ITGBL1: variants seen among roughly 807,000 people sequenced by gnomAD.
The protein encoded by ITGBL1 is integrin beta-like protein 1.
A neutral mutation model predicts 68.5 loss-of-function variants in ITGBL1; 51 were observed. The observed-to-expected ratio is 0.74, with a 90% CI of 0.59 to 0.94. The LOEUF (loss-of-function observed/expected upper bound fraction) is 0.94, where lower values mean the gene tolerates loss of function less well. Among genes scored for constraint, ITGBL1 ranks in the 40% least tolerant of loss-of-function variants. The pLI is 0.00. For missense variants in ITGBL1, 649 were observed against 647.4 expected, an observed-to-expected ratio of 1.00 and a Z score of -0.03; for synonymous variants, 209 against 227.3, an observed-to-expected ratio of 0.92 and a Z score of 0.72.
At chr13:101,655,759 G>C (rs2032901599) in intron 7 of ITGBL1, among the ~76,000 whole-genome samples, 1 of 152,230 alleles carries the variant, frequency 6.6e-6, no homozygotes, top group Non-Finnish European at 1.5e-5. Flanking sequence ...TATGGAGGCA[G>C]ATCTTATGAC....
chr13:101,672,459 G>T (rs2033401361), intron 7 of ITGBL1, among the ~76,000 whole-genome samples: 1 of 152,214 alleles, frequency 6.6e-6, no homozygotes, highest in Non-Finnish European at 1.5e-5. Flanking sequence ...GGAATAGGCA[G>T]GCTCAAAATG....
chr13:101,645,455 G>A (rs773278701), intron 7 of ITGBL1, among the ~76,000 whole-genome samples: 6 of 151,956 alleles, frequency 3.9e-5, no homozygotes, highest in Non-Finnish European at 5.9e-5. Context: ...CTGTGAATGA[G>A]CCTGGGAATA....
At chr13:101,586,915 A>G (rs2050567308) in intron 6 of ITGBL1, among the ~76,000 whole-genome samples, 1 of 152,228 alleles carries the variant, frequency 6.6e-6, no homozygotes, top group Admixed American at 6.5e-5. Flanking sequence ...GAAGAGTGCC[A>G]TATAGTTGAT....
chr13:101,588,297 T>TTGG (rs1555360537), intron 6 of ITGBL1, among the ~76,000 whole-genome samples: 1 of 149,672 alleles, frequency 6.7e-6, no homozygotes, highest in African/African-American at 2.5e-5. Context: ...TATTCTTCCA[T>TTGG]TGTGTGTGTG....
At chr13:101,657,352 C>A (rs554228081) in intron 7 of ITGBL1, among the ~76,000 whole-genome samples, 1 of 152,062 alleles carries the variant, frequency 6.6e-6, no homozygotes, top group African/African-American at 2.4e-5. Context: ...AACATATTCC[C>A]TCTTTAATCA....
chr13:101,637,093 T>A (rs571105263), intron 7 of ITGBL1, among the ~76,000 whole-genome samples: 1 of 152,282 alleles, frequency 6.6e-6, no homozygotes, highest in East Asian at 1.9e-4. Context: ...TCACCAAAAA[T>A]AACAAAATGG....
At chr13:101,689,622 A>C (rs2033839006) in intron 7 of ITGBL1, among the ~76,000 whole-genome samples, 1 of 152,052 alleles carries the variant, frequency 6.6e-6, no homozygotes, top group Admixed American at 6.6e-5. Flanking sequence ...AAACCCAAAA[A>C]AATATGGAAT....
Position 101,623,713 on chromosome 13 carries a change from A to C in ITGBL1, c.1015+25414A>C, listed in dbSNP as rs564939592. On this transcript the variant is annotated intron_variant, in intron 7 of 10. Coordinates refer to ENST00000376180, the MANE Select transcript of ITGBL1 (RefSeq NM_004791.3). ...CACACTTAACCTTCGCAGAGCACAA[A>C]TTTAAAGGGAGACTCATGATTTAAA... 4.3e-4 allele frequency among the ~76,000 whole-genome samples: 65 copies of C among 152,344 alleles called. 1 individual carries two copies. The South Asian group carries it at 0.013, about 31-fold the overall frequency.
intron 2 of ITGBL1, among the ~76,000 whole-genome samples, chr13:101,465,014 G>GTT (rs2048364770): frequency 6.6e-6 from 1 of 152,146 alleles, no homozygotes; most frequent in Non-Finnish European, 1.5e-5. Context: ...TGAATGCCAT[G>GTT]AAAACAATGA....
intron 2 of ITGBL1, among the ~76,000 whole-genome samples, chr13:101,507,848 A>G (rs2049050426): frequency 6.6e-6 from 1 of 152,210 alleles, no homozygotes; most frequent in Non-Finnish European, 1.5e-5. Context: ...TCTCTTTCCA[A>G]GTTGCATTCA....
chr13:101,501,141 TA>T (rs1301084966), intron 2 of ITGBL1, among the ~76,000 whole-genome samples: 1 of 152,232 alleles, frequency 6.6e-6, no homozygotes, highest in African/African-American at 2.4e-5. Context: ...CTATTTGGCT[TA>T]ATTGATGATT....
intron 7 of ITGBL1, 40 bp from the exon 8 acceptor site, chr13:101,692,545 G>T (rs1181330033): frequency 6.7e-6 from 9 of 1,351,352 alleles, no homozygotes; most frequent in Non-Finnish European, 9.6e-6. Flanking sequence ...GTGATTCCGG[G>T]ACTCTCCTCA....
intron 6 of ITGBL1, among the ~76,000 whole-genome samples, chr13:101,595,373 T>C (rs912232898): frequency 6.6e-6 from 1 of 152,170 alleles, no homozygotes; most frequent in African/African-American, 2.4e-5. Flanking sequence ...AAGCCATTCA[T>C]TAGGGATCTG....
rs1204923599 is a variant in ITGBL1, at chr13:101,704,837, GTTTT to G, written c.1133-1916_1133-1913del. On this transcript the variant is annotated intron_variant, in intron 8 of 10. Transcript: ENST00000376180. ...AAACTTTAATGGTTTCAGTTTTTGG[GTTTT>G]TTGTTTGTTTCTTTGTTTGTTTTTA... 2.6e-5 allele frequency among the ~76,000 whole-genome samples: 4 copies of G among 152,194 alleles called. No homozygotes were observed. The East Asian group carries it at 5.8e-4, about 22-fold the overall frequency.
intron 2 of ITGBL1, among the ~76,000 whole-genome samples, chr13:101,532,797 G>T (rs1280878374): frequency 6.6e-6 from 1 of 152,166 alleles, no homozygotes; most frequent in African/African-American, 2.4e-5. Context: ...GTAATTATCA[G>T]TGGAAGCCTA....
chr13:101,540,638 T>G (rs976872540), intron 2 of ITGBL1, among the ~76,000 whole-genome samples: 1 of 152,152 alleles, frequency 6.6e-6, no homozygotes, highest in South Asian at 2.1e-4. Context: ...TATAAATTAC[T>G]TTGGGCAGTA....
At chr13:101,646,620 A>G (rs2032567830) in intron 7 of ITGBL1, among the ~76,000 whole-genome samples, 1 of 152,112 alleles carries the variant, frequency 6.6e-6, no homozygotes, top group East Asian at 1.9e-4. Context: ...TACAGAGTCT[A>G]CCTCAGTAAA....
downstream of ITGBL1, chr13:101,717,368 C>A (rs1020334092): frequency 5.3e-5 from 8 of 151,968 alleles, no homozygotes; most frequent in African/African-American, 1.9e-4. Flanking sequence ...TTATTGAGTA[C>A]GTAAATTGAT....
chr13:101,496,368 C>A (rs867689374), intron 2 of ITGBL1, among the ~76,000 whole-genome samples: 8 of 152,142 alleles, frequency 5.3e-5, no homozygotes, highest in South Asian at 2.1e-4. Context: ...AATTCCCTCA[C>A]TGTAAAAGGA....
Sources: gnomAD v4.1 joint callset for allele counts (sites outside exome capture counted in the v4.1 genomes callset) on GRCh38, gnomAD v4.1.1 for gene constraint, MANE v1.5 for transcripts, NCBI Gene and HGNC (gene_info 2026-07-23, HGNC 2026-07-21) for gene names.